ADGRD1: variants seen among roughly 807,000 people sequenced by gnomAD.
The protein encoded by ADGRD1 is adhesion G protein-coupled receptor D1.
ADGRD1 carries 77 observed loss-of-function variants against 113.4 expected under a neutral mutation model. The ratio of observed to expected loss-of-function variants is 0.68; its 90% CI spans 0.57 to 0.82. The LOEUF (loss-of-function observed/expected upper bound fraction) is 0.82, where lower values mean the gene tolerates loss of function less well. Among genes scored for constraint, ADGRD1 ranks in the 40% least tolerant of loss-of-function variants. The pLI, the probability that ADGRD1 is intolerant of heterozygous loss-of-function variation, is 0.00. For synonymous variants in ADGRD1, 474 were observed against 475.0 expected, an observed-to-expected ratio of 1.00 and a Z score of 0.03; for missense variants, 1,036 against 1,139.1, an observed-to-expected ratio of 0.91 and a Z score of 1.30.
Position 130,971,442 on chromosome 12 carries a change from C to A in ADGRD1, c.188-16C>A. On this transcript the variant is annotated splice_polypyrimidine_tract_variant and intron_variant, in intron 3 of 24. Coordinates refer to ENST00000261654, the MANE Select transcript of ADGRD1 (RefSeq NM_198827.5). This position sits in a 1 kb window ranked among gnomAD's most constrained non-coding sequence, Gnocchi z 4.2. ...GAAGGTTATTAACATATGATGTTGT[C>A]ATTTTTCTTCCTTAGATATTGTGGA... The A allele has an allele frequency of 1.2e-6, 2 of 1,610,580 alleles. No individual in the cohort carries two copies. The highest frequency in any genetic ancestry group is 2.2e-5 in the South Asian group (2 of 90,602).
chr12:130,991,529 T>A (rs1187070670), intron 7 of ADGRD1, among the ~76,000 whole-genome samples: 1 of 152,214 alleles, frequency 6.6e-6, no homozygotes, highest in African/African-American at 2.4e-5. Flanking sequence ...ACCCATCTGC[T>A]TGGGTTCAAA....
chr12:131,086,202 C>T (rs577743706), intron 15 of ADGRD1, among the ~76,000 whole-genome samples: 37 of 152,298 alleles, frequency 2.4e-4, no homozygotes, highest in Admixed American at 2.0e-4. Context: ...GATGCTGCCC[C>T]GCGTGTCCTG....
chr12:131,060,787 G>A lies in ADGRD1; in HGVS notation c.1474-16014G>A, dbSNP rs1342623180. ...GGATGCGGAATGTAAAATCACTTAT[G>A]ATCTCACTGCCTGGAGATCCCATTG... is the stretch of plus-strand genomic sequence containing the variant. On this transcript the variant is annotated intron_variant, in intron 13 of 24. Coordinates refer to ENST00000261654, the MANE Select transcript of ADGRD1 (RefSeq NM_198827.5). The surrounding 1 kb of genome is among the most constrained non-coding windows in gnomAD (Gnocchi z 4.4). Among the ~76,000 whole-genome samples the A allele has an allele frequency of 6.6e-6, 1 of 152,086 alleles. No homozygotes were observed.
At chr12:131,083,137 GA>G (rs1886199161) in intron 14 of ADGRD1, among the ~76,000 whole-genome samples, 2 of 152,196 alleles carry the variant, frequency 1.3e-5, no homozygotes, top group African/African-American at 4.8e-5. Flanking sequence ...CACCGCAGTT[GA>G]AAGTGAATTC....
At chr12:131,017,327 GCA>G (rs1323014900) in intron 13 of ADGRD1, among the ~76,000 whole-genome samples, 2 of 100,014 alleles carry the variant, frequency 2.0e-5, no homozygotes, top group Non-Finnish European at 3.9e-5. Flanking sequence ...CACACCCAGT[GCA>G]CACAGTCCAC....
Position 131,024,565 on chromosome 12 carries a change from C to T in ADGRD1, c.1473+10225C>T, listed in dbSNP as rs544126888. 3.9e-5 allele frequency: 6 copies of T among 152,350 alleles called. No individual in the cohort carries two copies. The South Asian group carries it at 1.2e-3, about 32-fold the overall frequency. The allele number at this position is 152,350 out of a possible 1,614,324, so 9.4% of individuals were successfully genotyped here. A position where few individuals can be genotyped will look rare whatever the true frequency, so the allele number is the denominator to read the frequency against. On this transcript the variant is annotated intron_variant, in intron 13 of 24. Coordinates refer to ENST00000261654, the MANE Select transcript of ADGRD1 (RefSeq NM_198827.5). The stretch of plus-strand genomic sequence containing the variant: ...GATGTATTTCAATGCACAGATCCTT[C>T]CCATTGTGTTACAGCCGCTGGCAGC...
chr12:131,077,884 C>T (rs1885764183), intron 14 of ADGRD1, among the ~76,000 whole-genome samples: 1 of 152,236 alleles, frequency 6.6e-6, no homozygotes, highest in African/African-American at 2.4e-5. Context: ...CCTGGGACTA[C>T]AGGTGTGAGT....
intron 15 of ADGRD1, among the ~76,000 whole-genome samples, chr12:131,087,537 T>TA (rs1463349392): frequency 6.6e-6 from 1 of 152,218 alleles, no homozygotes; most frequent in Non-Finnish European, 1.5e-5. Flanking sequence ...CGTGGGGTTT[T>TA]AGAGGTTCCG....
At chr12:131,013,846 C>T (rs537080360) in intron 12 of ADGRD1, among the ~76,000 whole-genome samples, 1 of 152,342 alleles carries the variant, frequency 6.6e-6, no homozygotes, top group South Asian at 2.1e-4. Flanking sequence ...TTATTTTGAG[C>T]ATTTCTGCTC....
intron 14 of ADGRD1, among the ~76,000 whole-genome samples, chr12:131,078,880 T>C (rs139124642): frequency 2.0e-4 from 30 of 152,228 alleles, no homozygotes; most frequent in African/African-American, 7.2e-4. Flanking sequence ...TTCAGAAAAA[T>C]CCACACTTGT....
rs765200741 is a variant in ADGRD1 at position 130,966,499 on chromosome 12, C to T, written c.140C>T (p.Pro47Leu). 1 of 1,611,776 alleles carries T rather than the reference C, an allele frequency of 6.2e-7. No individual in the cohort carries two copies. The highest frequency in any genetic ancestry group is 8.5e-7 in the Non-Finnish European group (1 of 1,177,866). Residue 47 changes from proline (P) to leucine (L), a missense_variant, in exon 3 of 25, where the codon CCA becomes CTA. Coordinates refer to ENST00000261654, the MANE Select transcript of ADGRD1 (RefSeq NM_198827.5). The surrounding 1 kb of genome is among the most constrained non-coding windows in gnomAD (Gnocchi z 4.6). ...QVLASASHYW[P>L]LENVDGIHEL... ...TTGGCGTCTGCTTCCCATTACTGGC[C>T]ACTGGAGAATGTGGATGGGATCCAT...
At chr12:130,999,632 CTG>C (rs893801125) in intron 8 of ADGRD1, among the ~76,000 whole-genome samples, 36 of 152,214 alleles carry the variant, frequency 2.4e-4, no homozygotes, top group African/African-American at 7.7e-4. Flanking sequence ...ACAGTTAAGA[CTG>C]TGTGTGAATA....
intron 13 of ADGRD1, 126 bp downstream of exon 13, chr12:131,014,466 T>C (rs1878326400): frequency 2.4e-6 from 2 of 830,714 alleles, no homozygotes; most frequent in South Asian, 3.7e-5. Flanking sequence ...AACTGGAATC[T>C]TCCTCTCCCT....
chr12:130,968,903 G>A (rs369135725), intron 3 of ADGRD1: 9 of 829,524 alleles, frequency 1.1e-5, no homozygotes, highest in Admixed American at 2.1e-5. Context: ...GCTGCAGGTT[G>A]AGAGATATGT....
At chr12:131,034,536 G>T (rs551739931) in intron 13 of ADGRD1, among the ~76,000 whole-genome samples, 1 of 152,358 alleles carries the variant, frequency 6.6e-6, no homozygotes, top group South Asian at 2.1e-4. Flanking sequence ...GTGGAGGAAG[G>T]AAGGGAGGGA....
At chr12:130,983,041 G>T (rs1335266952) in intron 5 of ADGRD1, among the ~76,000 whole-genome samples, 1 of 152,192 alleles carries the variant, frequency 6.6e-6, no homozygotes, top group Non-Finnish European at 1.5e-5. Context: ...TTATTAAAAA[G>T]CGTGAACTCT....
In ADGRD1 at chr12:131,057,345, G is replaced by A. The variant is rs533134194; in HGVS notation, c.1474-19456G>A. 9.8e-5 allele frequency among the ~76,000 whole-genome samples: 15 copies of A among 152,292 alleles called. No homozygotes were observed. Among genetic ancestry groups the A allele is most frequent in the African/African-American group, 3.6e-4 (15 of 41,562 alleles). On this transcript the variant is annotated intron_variant, in intron 13 of 24. Transcript: ENST00000261654. This position sits in a 1 kb window ranked among gnomAD's most constrained non-coding sequence, Gnocchi z 4.2. ...GAGAATGCTTGGAAGGGGAACGGTG[G>A]AGAAAAGGGGCCAGATGGCAGCGGA...
intron 2 of ADGRD1, among the ~76,000 whole-genome samples, chr12:130,958,767 A>G (rs1198152865): frequency 6.8e-6 from 1 of 147,056 alleles, no homozygotes; most frequent in East Asian, 1.9e-4. Context: ...GCAAGAGAAC[A>G]GCTCCTTAAC....
At chr12:131,086,887 T>C (rs1886501263) in intron 15 of ADGRD1, among the ~76,000 whole-genome samples, 1 of 152,224 alleles carries the variant, frequency 6.6e-6, no homozygotes, top group Admixed American at 6.5e-5. Context: ...GTCCAAGCCA[T>C]ATTTTATTTT....
Sources: allele counts gnomAD v4.1 joint callset (sites outside exome capture counted in the v4.1 genomes callset), GRCh38; gene constraint gnomAD v4.1.1; non-coding constraint Gnocchi (gnomAD v3.1); transcripts MANE v1.5; gene names NCBI Gene and HGNC (gene_info 2026-07-23, HGNC 2026-07-21).